Variants in PCDHGA5 observed in about 807,000 individuals in gnomAD.
PCDHGA5 encodes the protein protocadherin gamma-A5.
In PCDHGA5, 36 loss-of-function variants were observed where a neutral mutation model predicts 56.7. The observed-to-expected ratio is 0.64, with a 90% confidence interval of 0.49 to 0.84. PCDHGA5 has a LOEUF of 0.84. Ranked by LOEUF, PCDHGA5 falls within the 40% of genes least tolerant of loss-of-function variation. PCDHGA5 has a pLI of 0.00. For missense variants in PCDHGA5, 1,305 were observed against 1,201.5 expected, an observed-to-expected ratio of 1.09 and a Z score of -1.27; for synonymous variants, 563 against 520.2, an observed-to-expected ratio of 1.08 and a Z score of -1.12.
At chr5:141,370,485 G>T (rs905115445) in intron 1 of PCDHGA5, 1 of 1,613,916 alleles carries the variant, frequency 6.2e-7, no homozygotes, top group Admixed American at 1.7e-5. Context: ...GGCTCTCTCC[G>T]AACCGATCCG....
chr5:141,409,087 T>C (rs753624565), intron 1 of PCDHGA5: 1 of 1,613,990 alleles, frequency 6.2e-7, no homozygotes, highest in Admixed American at 1.7e-5. Flanking sequence ...TCTCATTGGA[T>C]GAGAAAACAG....
In PCDHGA5 at chr5:141,371,669, C is replaced by T. The variant is rs766031996; in HGVS notation, c.2421+4918C>T. On this transcript the variant is annotated intron_variant, in intron 1 of 3. Coordinates refer to ENST00000518069, the MANE Select transcript of PCDHGA5 (RefSeq NM_018918.3). ...AATACAATGTGACGATCACAGCTAC[C>T]GACAAAGGCAATCCACCGCTCTCCT... 3 of 1,613,874 alleles carry T rather than the reference C, an allele frequency of 1.9e-6. No individual in the cohort carries two copies. The Admixed American group carries it at 5.0e-5, about 27-fold the overall frequency.
intron 1 of PCDHGA5, chr5:141,398,713 C>G (rs772426523): frequency 6.2e-7 from 1 of 1,613,828 alleles, no homozygotes; most frequent in Non-Finnish European, 8.5e-7. Context: ...GGAACTGGCA[C>G]TGGAGAAAAC....
At chr5:141,408,619 T>C in intron 1 of PCDHGA5, 1 of 1,613,974 alleles carries the variant, frequency 6.2e-7, no homozygotes, top group South Asian at 1.1e-5. Context: ...AGGAAATACA[T>C]TTAGAAATTT....
chr5:141,420,065 G>A (rs1253164840), intron 1 of PCDHGA5: 4 of 1,614,018 alleles, frequency 2.5e-6, no homozygotes, highest in Non-Finnish European at 3.4e-6. Flanking sequence ...CTCCAAGTCC[G>A]GACCTGTGGG....
Position 141,389,109 on chromosome 5 carries a change from G to A in PCDHGA5, c.2421+22358G>A, listed in dbSNP as rs144915863. On this transcript the variant is annotated intron_variant, in intron 1 of 3. Transcript: ENST00000518069. ...TAAATTAGTGACAGATGCTGTTCTA[G>A]ACCGCGAGCAGAATCCAGAGTACAA... 616 of 1,614,020 alleles carry A rather than the reference G, an allele frequency of 3.8e-4. 2 individuals are homozygous for A. The highest frequency in any genetic ancestry group is 1.2e-3 in the Middle Eastern group (7 of 6,062).
chr5:141,461,230 G>T (rs945407206), intron 1 of PCDHGA5, among the ~76,000 whole-genome samples: 2 of 152,024 alleles, frequency 1.3e-5, no homozygotes, highest in African/African-American at 4.8e-5. Flanking sequence ...TTCCATAGAG[G>T]TTGTACTAAT....
chr5:141,484,907 C>T, intron 1 of PCDHGA5: 1 of 409,994 alleles, frequency 2.4e-6, no homozygotes, highest in Non-Finnish European at 4.3e-6. Context: ...AATGCTGCGA[C>T]GCATTAACCC....
rs1434083091 is a variant in PCDHGA5 at position 141,450,833 on chromosome 5, T to TA, written c.2422-43974_2422-43973insA. 6.4e-3 allele frequency among the ~76,000 whole-genome samples: 943 copies of TA among 147,260 alleles called. 6 individuals carry two copies. The highest frequency in any genetic ancestry group is 0.014 in the Middle Eastern group (4 of 276). ...TTATTTAATATTATTATTATTATTT[T>TA]TTTTTTTTTGAGATGGGGTCTTGCT... is the stretch of plus-strand genomic sequence containing the variant. On this transcript the variant is annotated intron_variant, in intron 1 of 3. Coordinates refer to ENST00000518069, the MANE Select transcript of PCDHGA5 (RefSeq NM_018918.3).
chr5:141,430,485 G>T (rs926788879), intron 1 of PCDHGA5: 2 of 252,972 alleles, frequency 7.9e-6, no homozygotes, highest in Non-Finnish European at 7.4e-6. Flanking sequence ...ATATAAAAAC[G>T]AAATATCCTT....
In PCDHGA5 at chr5:141,432,091, C is replaced by A. The variant is rs370491149; in HGVS notation, c.2422-62716C>A. ...CTCATATCTCGCTGAACGTGGCAGA[C>A]ACCAACGACAACCCGCCGGTCTTCC... On this transcript the variant is annotated intron_variant, in intron 1 of 3. Coordinates refer to ENST00000518069, the MANE Select transcript of PCDHGA5 (RefSeq NM_018918.3). This position sits in a 1 kb window ranked among gnomAD's most constrained non-coding sequence, Gnocchi z 6.0. 6.2e-7 allele frequency: 1 copy of A among 1,614,056 alleles called. No individual in the cohort carries two copies. Among genetic ancestry groups the A allele is most frequent in the African/African-American group, 1.3e-5 (1 of 74,908 alleles).
intron 2 of PCDHGA5, among the ~76,000 whole-genome samples, chr5:141,495,550 G>A (rs999176899): frequency 6.6e-6 from 1 of 151,958 alleles, no homozygotes; most frequent in Non-Finnish European, 1.5e-5. Context: ...TCTCTATCTC[G>A]CTTTGCAATC....
At chr5:141,495,209 C>T (rs548415564) in intron 2 of PCDHGA5, among the ~76,000 whole-genome samples, 1 of 152,342 alleles carries the variant, frequency 6.6e-6, no homozygotes, top group Admixed American at 6.5e-5. Flanking sequence ...GCCTAACCCC[C>T]TCCCCTGAGT....
Position 141,491,417 on chromosome 5 carries a change from G to A in PCDHGA5, c.2422-3390G>A, listed in dbSNP as rs200843744. 5 of 1,613,988 alleles carry A rather than the reference G, an allele frequency of 3.1e-6. No homozygotes were observed. The highest frequency in any genetic ancestry group is 1.1e-5 in the South Asian group (1 of 91,092). Reference sequence around the variant, plus strand: ...CAGGGAAACGCAGACGGGGACGGGGGTGGAGGGCAGTGCTGCAGGCGCCAG... The same window carrying A: ...CAGGGAAACGCAGACGGGGACGGGGATGGAGGGCAGTGCTGCAGGCGCCAG... On this transcript the variant is annotated intron_variant, in intron 1 of 3. Transcript: ENST00000518069. The surrounding 1 kb of genome is among the most constrained non-coding windows in gnomAD (Gnocchi z 6.9).
At chr5:141,371,899 C>T in intron 1 of PCDHGA5, 1 of 1,613,414 alleles carries the variant, frequency 6.2e-7, no homozygotes, top group Non-Finnish European at 8.5e-7. Flanking sequence ...CGGGAGCTGT[C>T]GTCCTACGTG....
At position 141,486,209 on chromosome 5, in the gene PCDHGA5, A is replaced by C. The variant is rs749965379; in HGVS notation, c.2422-8598A>C. On this transcript the variant is annotated intron_variant, in intron 1 of 3. Transcript: ENST00000518069. The surrounding 1 kb of genome is among the most constrained non-coding windows in gnomAD (Gnocchi z 5.0). ...AGTGGATCTGCTGGACGTAAATGAC[A>C]ATGCCCCTTACATCACAGTGACCTC... 1 of 1,614,080 alleles carries C rather than the reference A, an allele frequency of 6.2e-7. No homozygotes were observed. Among genetic ancestry groups the C allele is most frequent in the South Asian group, 1.1e-5 (1 of 91,078 alleles).
chr5:141,405,439 A>G (rs1285285172), intron 1 of PCDHGA5: 1 of 1,423,798 alleles, frequency 7.0e-7, no homozygotes, highest in Admixed American at 2.0e-5. Context: ...TTTGTTTTTG[A>G]GACAGAGTCT....
chr5:141,399,010 G>A (rs1400790755), intron 1 of PCDHGA5: 5 of 1,613,726 alleles, frequency 3.1e-6, no homozygotes, highest in African/African-American at 1.3e-5. Flanking sequence ...TTCAAAGAGC[G>A]GAGAAATTAC....
intron 1 of PCDHGA5, among the ~76,000 whole-genome samples, chr5:141,482,354 G>C (rs1461472845): frequency 6.6e-6 from 1 of 152,096 alleles, no homozygotes; most frequent in Non-Finnish European, 1.5e-5. Context: ...CTTGTTGTGA[G>C]AGTGAAAAGT....
Sources: gnomAD v4.1 joint callset for allele counts (sites outside exome capture counted in the v4.1 genomes callset) on GRCh38, gnomAD v4.1.1 for gene constraint, Gnocchi (gnomAD v3.1) non-coding constraint, MANE v1.5 for transcripts, NCBI Gene and HGNC (gene_info 2026-07-23, HGNC 2026-07-21) for gene names.